Variants in DUX4 observed in about 807,000 individuals in gnomAD.
The protein encoded by DUX4 is double homeobox 4, also known as double homeobox protein 4.
intron 1 of DUX4, among the ~76,000 whole-genome samples, chr4:190,182,383 T>G (rs1381630275): frequency 3.6e-5 from 2 of 55,696 alleles, no homozygotes. Context: ...AGGGTTAGGG[T>G]TACTGGTTAG....
At chr4:190,176,189 G>C (rs1418817531), downstream of DUX4, among the ~76,000 whole-genome samples, 5 of 112,728 alleles carry the variant, frequency 4.4e-5, 1 homozygote, top group Non-Finnish European at 1.0e-4. Flanking sequence ...ACCTTGACAA[G>C]GGTTACATCA....
At position 190,184,138 on chromosome 4, in the gene DUX4, G is replaced by T. The variant is rs1407608190; in HGVS notation, n.93-1203G>T. On this transcript the variant is annotated intron_variant and non_coding_transcript_variant, in intron 1 of 2. Transcript: ENST00000563716. ...GAATTTCTTGAGAGGCAGAGGGAGA[G>T]CATGAGAATGTTAGGAAGGCAGGAG... is the stretch of plus-strand genomic sequence containing the variant. Among the ~76,000 whole-genome samples the T allele has an allele frequency of 1.7e-4, 22 of 126,908 alleles. 1 individual carries two copies. The highest frequency in any genetic ancestry group is 7.4e-3 in the Middle Eastern group (2 of 272). The allele number at this position is 126,908 out of a possible 152,430, so 83.3% of individuals were successfully genotyped here.
At chr4:190,181,701 C>T (rs1579837966) in intron 1 of DUX4, among the ~76,000 whole-genome samples, 11 of 150,830 alleles carry the variant, frequency 7.3e-5, no homozygotes, top group Admixed American at 1.3e-4. Context: ...TCACAATGCC[C>T]CCATAGGCAG....
chr4:190,179,097 A>ATTG (rs1742478084), downstream of DUX4, among the ~76,000 whole-genome samples: 1 of 2,112 alleles, frequency 4.7e-4, no homozygotes. Context: ...GAGATATGTC[A>ATTG]CAATGCCACT....
chr4:190,177,949 A>T (rs1742396144), downstream of DUX4, among the ~76,000 whole-genome samples: 9 of 114,350 alleles, frequency 7.9e-5, no homozygotes, highest in Non-Finnish European at 6.3e-5. Flanking sequence ...TGTCTCCAGT[A>T]GGCAGAGCCT....
At chr4:190,177,884 A>AGAGCATAGT (rs1742393394), downstream of DUX4, among the ~76,000 whole-genome samples, 4 of 11,096 alleles carry the variant, frequency 3.6e-4, no homozygotes, top group Non-Finnish European at 4.1e-4. Context: ...CCCTGTAGCC[A>AGAGCATAGT]TATCCTTGAC....
intron 1 of DUX4, among the ~76,000 whole-genome samples, chr4:190,184,109 G>T (rs1325688548): frequency 3.1e-5 from 4 of 130,656 alleles, no homozygotes; most frequent in African/African-American, 7.4e-5. Context: ...GAGAGATGTG[G>T]CAGGAATTTC....
chr4:190,177,990 G>C (rs2126570996), downstream of DUX4, among the ~76,000 whole-genome samples: 1 of 139,444 alleles, frequency 7.2e-6, no homozygotes, highest in Admixed American at 6.9e-5. Context: ...GGGTGATCAG[G>C]GCAGAGATAT....
At chr4:190,176,412 G>T (rs1269223566), downstream of DUX4, among the ~76,000 whole-genome samples, 3 of 109,350 alleles carry the variant, frequency 2.7e-5, no homozygotes, top group Non-Finnish European at 4.3e-5. Flanking sequence ...TCACCTTGGG[G>T]ATCAGTGCAG....
chr4:190,180,052 A>AAAGCATCCTG (rs1742527885), downstream of DUX4, among the ~76,000 whole-genome samples: 1 of 114,584 alleles, frequency 8.7e-6, no homozygotes, highest in Admixed American at 8.6e-5. Flanking sequence ...GATATGTCAC[A>AAAGCATCCTG]TTGCCCCCAT....
chr4:190,177,089 C>G (rs1742341065), downstream of DUX4, among the ~76,000 whole-genome samples: 3,953 of 90,762 alleles, frequency 0.044, no homozygotes, highest in Non-Finnish European at 0.058. Context: ...AGTCCCATCA[C>G]CTGGGTGATC....
downstream of DUX4, among the ~76,000 whole-genome samples, chr4:190,178,340 G>GTCT (rs1742418753): frequency 4.3e-5 from 1 of 23,208 alleles, no homozygotes; most frequent in Non-Finnish European, 9.3e-5. Flanking sequence ...TCAGTGCAGA[G>GTCT]ATATGTCACA....
downstream of DUX4, among the ~76,000 whole-genome samples, chr4:190,178,771 G>GTCAAA (rs1742449897): frequency 1.9e-5 from 2 of 106,920 alleles, no homozygotes; most frequent in South Asian, 3.8e-4. Flanking sequence ...GCCCCCTGTA[G>GTCAAA]GCCAAAGCCT....
chr4:190,178,582 CAA>C (rs1742435208), downstream of DUX4, among the ~76,000 whole-genome samples: 10 of 149,484 alleles, frequency 6.7e-5, no homozygotes, highest in Admixed American at 2.0e-4. Flanking sequence ...AGAGGGTAGA[CAA>C]GAGTTACATC....
chr4:190,177,918 C>A (rs1579833492), downstream of DUX4, among the ~76,000 whole-genome samples: 15 of 151,298 alleles, frequency 9.9e-5, no homozygotes, highest in Admixed American at 2.0e-4. Flanking sequence ...CCTGGGTGAT[C>A]AGTGTGGAGA....
chr4:190,183,862 C>T lies in DUX4; in HGVS notation n.93-1479C>T, dbSNP rs1181438244. Among the ~76,000 whole-genome samples, 31 of 121,732 alleles carry T rather than the reference C, an allele frequency of 2.5e-4. 4 individuals carry two copies. Among genetic ancestry groups the T allele is most frequent in the Non-Finnish European group, 4.6e-4 (24 of 51,914 alleles). The allele number at this position is 121,732 out of a possible 152,430, so 79.9% of individuals were successfully genotyped here. ...GCATACTGGACAAATGTCTAAGCCT[C>T]GTGGTTAGTGGGGACATTGCTGGTG... On this transcript the variant is annotated intron_variant and non_coding_transcript_variant, in intron 1 of 2. Coordinates refer to the DUX4 transcript ENST00000563716.
downstream of DUX4, among the ~76,000 whole-genome samples, chr4:190,176,497 G>A (rs1418865339): frequency 1.8e-3 from 196 of 108,734 alleles, 26 homozygotes; most frequent in African/African-American, 5.0e-3. Flanking sequence ...GCAGAGATAT[G>A]TGAGAATTCC....
intron 1 of DUX4, chr4:190,185,298 C>CT (rs1248141197): frequency 7.4e-4 from 29 of 39,380 alleles, no homozygotes; most frequent in South Asian, 2.3e-3. Flanking sequence ...TTGTTGTTTG[C>CT]TTTTTTTAAA....
chr4:190,176,451 G>T (rs1254378416), downstream of DUX4, among the ~76,000 whole-genome samples: 9 of 92,110 alleles, frequency 9.8e-5, 3 homozygotes, highest in Admixed American at 1.4e-4. Context: ...TTGTAGGCAG[G>T]GCCTAGACAA....
Sources: allele counts gnomAD v4.1 joint callset (sites outside exome capture counted in the v4.1 genomes callset), GRCh38; gene constraint gnomAD v4.1.1; transcripts MANE v1.5; gene names NCBI Gene and HGNC (gene_info 2026-07-23, HGNC 2026-07-21).